CLSTN2: variants seen among roughly 807,000 people sequenced by gnomAD.
The protein encoded by CLSTN2 is calsyntenin 2, also known as calsyntenin-2.
A neutral mutation model predicts 101.2 loss-of-function variants in CLSTN2; 48 were observed. The observed-to-expected ratio is 0.47, with a 90% CI of 0.38 to 0.60. CLSTN2 has a LOEUF of 0.60. Among genes scored for constraint, CLSTN2 ranks in the 20% least tolerant of loss-of-function variants. CLSTN2 has a pLI of 0.00. For missense variants in CLSTN2, 1,160 were observed against 1,238.2 expected, an observed-to-expected ratio of 0.94 and a Z score of 0.95; for synonymous variants, 481 against 463.6, an observed-to-expected ratio of 1.04 and a Z score of -0.48.
chr3:140,356,615 G>A (rs1401130963), intron 2 of CLSTN2, among the ~76,000 whole-genome samples: 6 of 151,806 alleles, frequency 4.0e-5, no homozygotes, highest in African/African-American at 1.5e-4. Flanking sequence ...AAAATTAGCC[G>A]AGTGTGGTGA....
chr3:140,129,760 G>C (rs182022907), intron 1 of CLSTN2, among the ~76,000 whole-genome samples: 28 of 152,180 alleles, frequency 1.8e-4, no homozygotes, highest in Non-Finnish European at 2.9e-4. Flanking sequence ...AGATCAGCTG[G>C]GCCTGGTGTG....
chr3:140,456,658 A>C (rs556017383), intron 6 of CLSTN2, among the ~76,000 whole-genome samples: 1 of 152,178 alleles, frequency 6.6e-6, no homozygotes, highest in South Asian at 2.1e-4. Context: ...ATAGTGGCGC[A>C]TGCCTGTAAT....
chr3:140,248,149 G>T (rs1243804961), intron 2 of CLSTN2, among the ~76,000 whole-genome samples: 2 of 152,202 alleles, frequency 1.3e-5, no homozygotes, highest in Non-Finnish European at 2.9e-5. Flanking sequence ...GAGGAGCAGG[G>T]CAATGTGAAA....
chr3:140,546,448 G>A (rs1017345266), intron 9 of CLSTN2, 67 bp from the exon 10 acceptor site: 8 of 1,525,984 alleles, frequency 5.2e-6, no homozygotes, highest in Non-Finnish European at 7.1e-6. Context: ...GCATGGCCAA[G>A]TGGTGCCTTG....
At chr3:139,989,284 C>G (rs1037682070) in intron 1 of CLSTN2, among the ~76,000 whole-genome samples, 1 of 152,204 alleles carries the variant, frequency 6.6e-6, no homozygotes, top group Admixed American at 6.5e-5. Context: ...ACTGCAGGGG[C>G]AGGGTACCCC....
At chr3:140,416,484 A>T (rs371331585) in intron 4 of CLSTN2, among the ~76,000 whole-genome samples, 38 of 152,304 alleles carry the variant, frequency 2.5e-4, no homozygotes, top group African/African-American at 8.9e-4. Context: ...AAAACATCAC[A>T]TTGTATACCC....
At chr3:140,560,757 A>C (rs903192937) in intron 12 of CLSTN2, among the ~76,000 whole-genome samples, 2 of 152,300 alleles carry the variant, frequency 1.3e-5, no homozygotes, top group African/African-American at 4.8e-5. Context: ...GGGAGCTCTC[A>C]GTCAGCCACA....
chr3:140,403,948 C>A, intron 3 of CLSTN2, 124 bp downstream of exon 3: 1 of 785,874 alleles, frequency 1.3e-6, no homozygotes, highest in Non-Finnish European at 2.0e-6. Context: ...CTTTGCTCAA[C>A]TGCTTGGCAG....
intron 2 of CLSTN2, among the ~76,000 whole-genome samples, chr3:140,347,416 G>A (rs2087560198): frequency 6.6e-6 from 1 of 152,202 alleles, no homozygotes; most frequent in African/African-American, 2.4e-5. Flanking sequence ...CCATACTGGT[G>A]AGCTCCAGAC....
chr3:140,468,568 T>A (rs184958211), intron 8 of CLSTN2, among the ~76,000 whole-genome samples: 2 of 152,324 alleles, frequency 1.3e-5, no homozygotes, highest in Admixed American at 1.3e-4. Flanking sequence ...ATGCCTGCTC[T>A]GTGCTAGGCA....
chr3:140,122,497 T>G lies in CLSTN2; in HGVS notation c.110-53454T>G, dbSNP rs920858143. Reference sequence around the variant, plus strand: ...AACTATTTTGTTAGATAATAAAGAATGCCTTTACTCCCAAGAAATGGATTC... The same window carrying G: ...AACTATTTTGTTAGATAATAAAGAAGGCCTTTACTCCCAAGAAATGGATTC... On this transcript the variant is annotated intron_variant, in intron 1 of 16. Transcript: ENST00000458420. Among the ~76,000 whole-genome samples, 25 of 152,244 alleles carry G rather than the reference T, an allele frequency of 1.6e-4. 1 individual carries two copies. The highest frequency in any genetic ancestry group is 2.9e-5 in the Non-Finnish European group (2 of 68,042).
chr3:139,980,345 C>T (rs1017325040), intron 1 of CLSTN2, among the ~76,000 whole-genome samples: 35 of 152,068 alleles, frequency 2.3e-4, no homozygotes, highest in African/African-American at 8.0e-4. Context: ...CTTGCCGTTC[C>T]CTGATGGACT....
At chr3:140,041,384 C>G (rs901522058) in intron 1 of CLSTN2, among the ~76,000 whole-genome samples, 2 of 152,076 alleles carry the variant, frequency 1.3e-5, no homozygotes, top group African/African-American at 4.8e-5. Flanking sequence ...CTGGGCAGAC[C>G]CTTGTCTCTC....
At chr3:140,329,378 T>A (rs574752734) in intron 2 of CLSTN2, among the ~76,000 whole-genome samples, 1 of 152,214 alleles carries the variant, frequency 6.6e-6, no homozygotes, top group African/African-American at 2.4e-5. Flanking sequence ...AGATTGAGAC[T>A]GTCTCCTAAA....
intron 8 of CLSTN2, among the ~76,000 whole-genome samples, chr3:140,530,002 A>C (rs1935221499): frequency 6.6e-6 from 1 of 152,234 alleles, no homozygotes; most frequent in African/African-American, 2.4e-5. Flanking sequence ...TAACCTTTGC[A>C]GAAAAAAACA....
intron 2 of CLSTN2, among the ~76,000 whole-genome samples, chr3:140,253,614 G>A (rs1434637030): frequency 6.6e-6 from 1 of 152,052 alleles, no homozygotes; most frequent in African/African-American, 2.4e-5. Context: ...AGAAAACACA[G>A]CCAGAAAGGT....
chr3:140,236,808 A>G (rs1559815215), intron 2 of CLSTN2, among the ~76,000 whole-genome samples: 1 of 142,898 alleles, frequency 7.0e-6, no homozygotes, highest in Non-Finnish European at 1.5e-5. Flanking sequence ...ATTTCCTATT[A>G]CATGTTATGT....
At chr3:140,291,305 C>T (rs2086950102) in intron 2 of CLSTN2, among the ~76,000 whole-genome samples, 1 of 151,628 alleles carries the variant, frequency 6.6e-6, no homozygotes, top group Admixed American at 6.6e-5. Context: ...CCCCTCCAGG[C>T]TGTCCTCCCT....
intron 2 of CLSTN2, among the ~76,000 whole-genome samples, chr3:140,328,604 C>A (rs1286382202): frequency 6.6e-6 from 1 of 152,096 alleles, no homozygotes; most frequent in Non-Finnish European, 1.5e-5. Flanking sequence ...GTAGGCAAGG[C>A]CGCTCTGTTG....
Sources: gnomAD v4.1 joint callset for allele counts (sites outside exome capture counted in the v4.1 genomes callset) on GRCh38, gnomAD v4.1.1 for gene constraint, MANE v1.5 for transcripts, NCBI Gene and HGNC (gene_info 2026-07-23, HGNC 2026-07-21) for gene names.